Variants in LRMDA observed in about 807,000 individuals in gnomAD.
LRMDA encodes the protein leucine rich melanocyte differentiation associated, also known as leucine-rich melanocyte differentiation-associated protein.
In LRMDA, 18 loss-of-function variants were observed where a neutral mutation model predicts 29.8. The observed-to-expected ratio is 0.60, with a 90% CI of 0.42 to 0.90. The LOEUF (loss-of-function observed/expected upper bound fraction) is 0.90. Ranked by LOEUF, LRMDA falls within the 40% of genes least tolerant of loss-of-function variation. The pLI is 0.00. For missense variants in LRMDA, 273 were observed against 273.9 expected, an observed-to-expected ratio of 1.00 and a Z score of 0.02; for synonymous variants, 125 against 109.4, an observed-to-expected ratio of 1.14 and a Z score of -0.89.
intron 6 of LRMDA, among the ~76,000 whole-genome samples, chr10:76,512,988 A>G (rs1202199419): frequency 6.6e-6 from 1 of 152,228 alleles, no homozygotes; most frequent in Non-Finnish European, 1.5e-5. Flanking sequence ...TGGAGAATTT[A>G]GAGAAGGAAA....
At chr10:75,744,531 C>T (rs992033432) in intron 2 of LRMDA, among the ~76,000 whole-genome samples, 1 of 152,146 alleles carries the variant, frequency 6.6e-6, no homozygotes, top group Non-Finnish European at 1.5e-5. Context: ...CATTCCTCAT[C>T]AGAGTTAGTG....
intron 2 of LRMDA, among the ~76,000 whole-genome samples, chr10:75,606,563 A>G (rs1840959024): frequency 6.6e-6 from 1 of 152,076 alleles, no homozygotes; most frequent in Non-Finnish European, 1.5e-5. Flanking sequence ...TTCTATTTCA[A>G]ATGTTAAAGG....
chr10:75,819,100 T>C (rs79984450), intron 2 of LRMDA, among the ~76,000 whole-genome samples: 24,595 of 152,222 alleles, frequency 0.16, 2,171 homozygotes, highest in Admixed American at 0.22. Context: ...GGAAAGAAAG[T>C]AAATGTCTTG....
At chr10:76,073,561 G>A (rs1049610691) in intron 5 of LRMDA, among the ~76,000 whole-genome samples, 4 of 151,946 alleles carry the variant, frequency 2.6e-5, no homozygotes, top group East Asian at 1.9e-4. Flanking sequence ...TGCAGGGTAT[G>A]TGTGTGTGTG....
rs999579547 is a variant in LRMDA, at chr10:76,183,173, C to T, written c.516+124390C>T. Among the ~76,000 whole-genome samples the T allele has an allele frequency of 7.0e-4, 106 of 152,288 alleles. 1 individual carries two copies. Among genetic ancestry groups the T allele is most frequent in the African/African-American group, 2.5e-3 (102 of 41,558 alleles). ...ACTTACCTTCACCTCAGTTGTGTGCCTCACACTTACATCAGCTCAAATAGC... is the reference window on the plus strand; with the variant it reads ...ACTTACCTTCACCTCAGTTGTGTGCTTCACACTTACATCAGCTCAAATAGC... On this transcript the variant is annotated intron_variant, in intron 5 of 6. Transcript: ENST00000611255.
intron 5 of LRMDA, among the ~76,000 whole-genome samples, chr10:76,157,796 G>A (rs1850566402): frequency 6.6e-6 from 1 of 152,050 alleles, no homozygotes; most frequent in Non-Finnish European, 1.5e-5. Context: ...ATGAAATTAG[G>A]TGATTTTGTC....
At chr10:76,541,158 G>T (rs1420295139) in intron 6 of LRMDA, among the ~76,000 whole-genome samples, 3 of 152,146 alleles carry the variant, frequency 2.0e-5, no homozygotes, top group Admixed American at 6.5e-5. Context: ...CTTCTAGGCT[G>T]GTGAGAGATC....
chr10:75,930,517 A>T (rs2132399669), intron 2 of LRMDA, among the ~76,000 whole-genome samples: 1 of 152,334 alleles, frequency 6.6e-6, no homozygotes, highest in Non-Finnish European at 1.5e-5. Context: ...TATGGTAAGC[A>T]GACATTCGAT....
intron 5 of LRMDA, among the ~76,000 whole-genome samples, chr10:76,233,168 C>T (rs1462908459): frequency 6.6e-6 from 1 of 152,124 alleles, no homozygotes; most frequent in East Asian, 1.9e-4. Flanking sequence ...CCTCCTTTCA[C>T]TATCAAGACT....
At chr10:76,139,183 G>A (rs929484722) in intron 5 of LRMDA, among the ~76,000 whole-genome samples, 5 of 152,084 alleles carry the variant, frequency 3.3e-5, no homozygotes, top group African/African-American at 1.2e-4. Context: ...TTTACTAAAA[G>A]GACTGGAAAT....
At chr10:76,351,495 C>G (rs1841175900) in intron 6 of LRMDA, among the ~76,000 whole-genome samples, 1 of 152,014 alleles carries the variant, frequency 6.6e-6, no homozygotes, top group Non-Finnish European at 1.5e-5. Context: ...CATTTATCTG[C>G]TTTTTTACAT....
At chr10:75,923,351 C>G (rs573978064) in intron 2 of LRMDA, among the ~76,000 whole-genome samples, 1 of 152,294 alleles carries the variant, frequency 6.6e-6, no homozygotes, top group East Asian at 1.9e-4. Context: ...AATAATGCCT[C>G]TAATGGCATA....
intron 5 of LRMDA, among the ~76,000 whole-genome samples, chr10:76,096,368 G>T (rs988843486): frequency 6.6e-6 from 1 of 151,764 alleles, no homozygotes; most frequent in South Asian, 2.1e-4. Context: ...AGCTTCATTT[G>T]TTGAAAAGGC....
intron 6 of LRMDA, among the ~76,000 whole-genome samples, chr10:76,495,023 T>G (rs1458629591): frequency 2.6e-5 from 4 of 151,924 alleles, no homozygotes; most frequent in Non-Finnish European, 4.4e-5. Flanking sequence ...AGCTCTAGTA[T>G]GTCACATTTT....
At chr10:76,523,677 G>A (rs1843145585) in intron 6 of LRMDA, among the ~76,000 whole-genome samples, 1 of 152,172 alleles carries the variant, frequency 6.6e-6, no homozygotes, top group Admixed American at 6.5e-5. Flanking sequence ...ACAAGTTTCT[G>A]TTATTTTAAT....
At chr10:76,542,325 A>C (rs1589231133) in intron 6 of LRMDA, among the ~76,000 whole-genome samples, 1 of 152,244 alleles carries the variant, frequency 6.6e-6, no homozygotes, top group East Asian at 1.9e-4. Context: ...ATGGCCGCTC[A>C]ATTTTTTTTG....
At chr10:75,878,454 C>T (rs1845237539) in intron 2 of LRMDA, among the ~76,000 whole-genome samples, 1 of 152,026 alleles carries the variant, frequency 6.6e-6, no homozygotes, top group Non-Finnish European at 1.5e-5. Flanking sequence ...CCGTCACTGA[C>T]TGCCCCTGAC....
At chr10:76,527,347 C>A (rs926688872) in intron 6 of LRMDA, among the ~76,000 whole-genome samples, 1 of 152,124 alleles carries the variant, frequency 6.6e-6, no homozygotes, top group Non-Finnish European at 1.5e-5. Flanking sequence ...GGGTCAGAGA[C>A]TCACTGTCTA....
intron 2 of LRMDA, among the ~76,000 whole-genome samples, chr10:75,621,684 G>A (rs566032275): frequency 6.6e-6 from 1 of 152,236 alleles, no homozygotes; most frequent in East Asian, 1.9e-4. Flanking sequence ...TATGTCCTGG[G>A]CACAGCAGTT....
Sources: gnomAD v4.1 joint callset for allele counts (sites outside exome capture counted in the v4.1 genomes callset) on GRCh38, gnomAD v4.1.1 for gene constraint, MANE v1.5 for transcripts, NCBI Gene and HGNC (gene_info 2026-07-23, HGNC 2026-07-21) for gene names.